The following PCDHGA8 variants were observed in gnomAD, a reference collection of about 807,000 sequenced individuals.
The protein encoded by PCDHGA8 is protocadherin gamma-A8.
In PCDHGA8, 45 loss-of-function variants were observed where a neutral mutation model predicts 59.2. The observed-to-expected ratio is 0.76, with a 90% CI of 0.60 to 0.98. PCDHGA8 has a LOEUF of 0.98. PCDHGA8 is among the 50% of genes least tolerant of loss of function. PCDHGA8 has a pLI of 0.00. For missense variants in PCDHGA8, 1,257 were observed against 1,196.2 expected (o/e 1.05, Z -0.75); for synonymous variants, 531 against 519.0 (o/e 1.02, Z -0.32).
chr5:141,481,780 C>T (rs781334437), intron 1 of PCDHGA8, among the ~76,000 whole-genome samples: 3 of 152,016 alleles, frequency 2.0e-5, no homozygotes, highest in African/African-American at 7.2e-5. Flanking sequence ...GGTGAAACCC[C>T]GTCTCTACTA....
Position 141,489,427 on chromosome 5 carries a change from C to A in PCDHGA8, c.2425-5380C>A. ...AAAGATGACAGATCTGTTGAGCCGG[C>A]GGCTGCAATTGGGCTCTGAGGAGAA... On this transcript the variant is annotated intron_variant, in intron 1 of 3. Coordinates refer to ENST00000398604, the MANE Select transcript of PCDHGA8 (RefSeq NM_032088.2). This position sits in a 1 kb window ranked among gnomAD's most constrained non-coding sequence, Gnocchi z 4.5. The A allele has an allele frequency of 6.2e-7, 1 of 1,614,108 alleles. No individual in the cohort carries two copies. The highest frequency in any genetic ancestry group is 1.1e-5 in the South Asian group (1 of 91,086).
At chr5:141,403,121 C>T (rs2094357954) in intron 1 of PCDHGA8, 1 of 1,614,046 alleles carries the variant, frequency 6.2e-7, no homozygotes, top group Non-Finnish European at 8.5e-7. Context: ...TCTGGAGCCC[C>T]GGGAGCTGGC....
chr5:141,460,576 G>A (rs2098992216), intron 1 of PCDHGA8, among the ~76,000 whole-genome samples: 1 of 152,082 alleles, frequency 6.6e-6, no homozygotes, highest in Non-Finnish European at 1.5e-5. Flanking sequence ...ACATATGTAG[G>A]TGTGGGTTTT....
chr5:141,436,962 C>A (rs1462988296), intron 1 of PCDHGA8, among the ~76,000 whole-genome samples: 1 of 152,144 alleles, frequency 6.6e-6, no homozygotes, highest in Non-Finnish European at 1.5e-5. Context: ...AAACAAGGAT[C>A]TTGTGAAACT....
At chr5:141,404,472 T>C in intron 1 of PCDHGA8, 1 of 1,613,692 alleles carries the variant, frequency 6.2e-7, no homozygotes, top group Non-Finnish European at 8.5e-7. Context: ...TATGTCTCTA[T>C]TAACTCAGAC....
Position 141,489,092 on chromosome 5 carries a change from A to AATT in PCDHGA8, c.2425-5714_2425-5713insTTA. 2.9e-6 allele frequency: 1 copy of AATT among 348,332 alleles called. No individual in the cohort carries two copies. Among genetic ancestry groups the AATT allele is most frequent in the Non-Finnish European group, 4.7e-6 (1 of 214,538 alleles). 21.6% of individuals were successfully genotyped at this position (348,332 alleles called of 1,614,324 possible). A position where few individuals can be genotyped will look rare whatever the true frequency, so the allele number is the denominator to read the frequency against. On this transcript the variant is annotated intron_variant, in intron 1 of 3. Transcript: ENST00000398604. This position sits in a 1 kb window ranked among gnomAD's most constrained non-coding sequence, Gnocchi z 4.5. Reference sequence around the variant, plus strand: ...TGCCCACCCCCGCCACTCGGTGACTAAGAACTGCTGCAAGCAGGCAAACCT... The same window carrying AATT: ...TGCCCACCCCCGCCACTCGGTGACTAATTAGAACTGCTGCAAGCAGGCAAACCT...
chr5:141,418,157 A>G, intron 1 of PCDHGA8: 1 of 1,614,074 alleles, frequency 6.2e-7, no homozygotes, highest in Non-Finnish European at 8.5e-7. Context: ...CAAAGAGAGA[A>G]GAAGATGTGA....
intron 1 of PCDHGA8, among the ~76,000 whole-genome samples, chr5:141,454,881 C>G (rs2098805859): frequency 7.4e-6 from 1 of 135,536 alleles, no homozygotes; most frequent in African/African-American, 2.8e-5. Flanking sequence ...GATCTTGGCT[C>G]ACTGCTAGCA....
At position 141,394,099 on chromosome 5, in the gene PCDHGA8, C is replaced by T; in HGVS notation, c.1286C>T (p.Thr429Ile). 1.2e-6 allele frequency: 2 copies of T among 1,613,930 alleles called. No individual in the cohort carries two copies. The highest frequency in any genetic ancestry group is 1.1e-5 in the South Asian group (1 of 91,066). ...NITVMASDLG[T>I]PPLSTETQIA... Reference sequence around the variant, plus strand: ...ACAGTGATGGCCTCAGATCTAGGAACACCACCTCTGTCCACTGAAACTCAA... The same window carrying T: ...ACAGTGATGGCCTCAGATCTAGGAATACCACCTCTGTCCACTGAAACTCAA... The change falls in exon 1 of 4, where the codon ACA becomes ATA. Residue 429 changes from threonine (T) to isoleucine (I), a missense_variant. Transcript: ENST00000398604.
intron 1 of PCDHGA8, among the ~76,000 whole-genome samples, chr5:141,494,218 T>C (rs1224329242): frequency 1.3e-5 from 2 of 152,222 alleles, no homozygotes; most frequent in South Asian, 2.1e-4. Context: ...CAATCTGGCA[T>C]GACTCCTAAA....
At position 141,486,121 on chromosome 5, in the gene PCDHGA8, T is replaced by C. The variant is rs371827617; in HGVS notation, c.2425-8686T>C. 5.6e-6 allele frequency: 9 copies of C among 1,614,086 alleles called. No individual in the cohort carries two copies. The highest frequency in any genetic ancestry group is 2.2e-5 in the South Asian group (2 of 91,082). ...TAGACTTTGAGAGTGAGAATTACTATGAATTTGATGTGCGGGCTCGCGATG... is the reference window on the plus strand; with the variant it reads ...TAGACTTTGAGAGTGAGAATTACTACGAATTTGATGTGCGGGCTCGCGATG... On this transcript the variant is annotated intron_variant, in intron 1 of 3. Coordinates refer to ENST00000398604, the MANE Select transcript of PCDHGA8 (RefSeq NM_032088.2). This position sits in a 1 kb window ranked among gnomAD's most constrained non-coding sequence, Gnocchi z 5.0.
chr5:141,450,092 C>T (rs761677942), intron 1 of PCDHGA8, among the ~76,000 whole-genome samples: 2 of 148,672 alleles, frequency 1.3e-5, no homozygotes, highest in Non-Finnish European at 3.0e-5. Flanking sequence ...CTGCAACCTC[C>T]GCCTCCCAGG....
At chr5:141,403,136 C>G in intron 1 of PCDHGA8, 1 of 1,614,006 alleles carries the variant, frequency 6.2e-7, no homozygotes. Flanking sequence ...GCTGGCGGAG[C>G]GCCGAGTCCG....
intron 1 of PCDHGA8, chr5:141,404,152 T>C (rs769503668): frequency 1.9e-5 from 31 of 1,612,848 alleles, no homozygotes; most frequent in Non-Finnish European, 2.0e-5. Flanking sequence ...CAGAAGAAGA[T>C]TATTACAGAT....
At chr5:141,502,291 G>A (rs1346186675) in intron 2 of PCDHGA8, among the ~76,000 whole-genome samples, 1 of 151,370 alleles carries the variant, frequency 6.6e-6, no homozygotes, top group African/African-American at 2.5e-5. Context: ...GCATTTGGTT[G>A]TCACGTCTTT....
chr5:141,489,380 A>T lies in PCDHGA8; in HGVS notation c.2425-5427A>T, dbSNP rs753226956. 1 of 1,613,874 alleles carries T rather than the reference A, an allele frequency of 6.2e-7. No homozygotes were observed. The highest frequency in any genetic ancestry group is 2.2e-5 in the East Asian group (1 of 44,872). On this transcript the variant is annotated intron_variant, in intron 1 of 3. Transcript: ENST00000398604. The surrounding 1 kb of genome is among the most constrained non-coding windows in gnomAD (Gnocchi z 4.5). ...TCTGAGCCGGGGACGCTGGTGGGGA[A>T]TGTTGCTCAGGATCTGGGCTTAAAG... is the stretch of plus-strand genomic sequence containing the variant.
In PCDHGA8 at chr5:141,438,615, TATATATATATATATATATATACACAC is replaced by T. The variant is rs1337184558; in HGVS notation, c.2424+43380_2424+43405del. ...ACATATATATATATATATATATATATATATATATATATATATATATACACACACACACACACATATATGTATATATA... is the reference window on the plus strand; with the variant it reads ...ACATATATATATATATATATATATATACACACACACATATATGTATATATA... On this transcript the variant is annotated intron_variant, in intron 1 of 3. Coordinates refer to ENST00000398604, the MANE Select transcript of PCDHGA8 (RefSeq NM_032088.2). 3.6e-3 allele frequency among the ~76,000 whole-genome samples: 130 copies of T among 35,912 alleles called. 2 individuals are homozygous for T. Among genetic ancestry groups the T allele is most frequent in the African/African-American group, 0.022 (107 of 4,918 alleles). The allele number at this position is 35,912 out of a possible 152,430, so 23.6% of individuals were successfully genotyped here.
At chr5:141,445,148 C>A (rs1051995635) in intron 1 of PCDHGA8, among the ~76,000 whole-genome samples, 3 of 152,092 alleles carry the variant, frequency 2.0e-5, no homozygotes, top group Non-Finnish European at 4.4e-5. Context: ...TCTAATTGTT[C>A]ATTTCTAGTT....
intron 1 of PCDHGA8, among the ~76,000 whole-genome samples, chr5:141,451,985 A>G (rs1460304088): frequency 6.6e-6 from 1 of 152,202 alleles, no homozygotes; most frequent in Non-Finnish European, 1.5e-5. Context: ...TAGTTTGTTC[A>G]TTAGAAGCAA....
Sources: allele counts gnomAD v4.1 joint callset (sites outside exome capture counted in the v4.1 genomes callset), GRCh38; gene constraint gnomAD v4.1.1; non-coding constraint Gnocchi (gnomAD v3.1); transcripts MANE v1.5; gene names NCBI Gene and HGNC (gene_info 2026-07-23, HGNC 2026-07-21).